DEGS2: variants seen among roughly 807,000 people sequenced by gnomAD.
DEGS2 encodes the protein delta 4-desaturase, sphingolipid 2.
Under a neutral mutation model 23.8 loss-of-function variants are expected in DEGS2, and 19 were observed. The ratio of observed to expected loss-of-function variants is 0.80; its 90% confidence interval spans 0.56 to 1.17. The LOEUF (loss-of-function observed/expected upper bound fraction) is 1.17. Among genes scored for constraint, DEGS2 ranks in the 50% most tolerant of loss-of-function variants. The pLI, the probability that DEGS2 is intolerant of heterozygous loss-of-function variation, is 0.00. For synonymous variants in DEGS2, 218 were observed against 213.7 expected, an observed-to-expected ratio of 1.02 and a Z score of -0.18; for missense variants, 390 against 459.5, an observed-to-expected ratio of 0.85 and a Z score of 1.38.
chr14:100,154,463 C>T (rs1000698436), intron 1 of DEGS2, among the ~76,000 whole-genome samples: 3 of 152,364 alleles, frequency 2.0e-5, no homozygotes, highest in Admixed American at 1.3e-4. Context: ...CCTCAGTCTC[C>T]ATCTGTAAGG....
At chr14:100,153,834 G>T (rs1299480731) in intron 1 of DEGS2, among the ~76,000 whole-genome samples, 1 of 152,236 alleles carries the variant, frequency 6.6e-6, no homozygotes, top group Admixed American at 6.5e-5. Context: ...AGGTGGCCAT[G>T]AACAACAGCT....
Position 100,146,647 on chromosome 14 carries a change from G to C in DEGS2, c.*114C>G, listed in dbSNP as rs540406129. ...GGTGTGGCTGCGCGGGACACTCCTC[G>C]GGGACAAGGGCAGCAGTCCAGAGCA... is the stretch of plus-strand genomic sequence containing the variant. On this transcript the variant is annotated 3_prime_UTR_variant, in exon 3 of 3. Coordinates refer to ENST00000305631, the MANE Select transcript of DEGS2 (RefSeq NM_206918.3). 42 of 1,457,784 alleles carry C rather than the reference G, an allele frequency of 2.9e-5. No individual in the cohort carries two copies. In the South Asian group the frequency reaches 5.3e-4, roughly 18 times the overall value. The allele number at this position is 1,457,784 out of a possible 1,614,324, so 90.3% of individuals were successfully genotyped here. A position where few individuals can be genotyped will look rare whatever the true frequency, so the allele number is the denominator to read the frequency against.
chr14:100,149,082 G>C lies in DEGS2; in HGVS notation c.711C>G (p.Leu237=), dbSNP rs1442935714. The C allele has an allele frequency of 6.2e-7, 1 of 1,612,912 alleles. No homozygotes were observed. The highest frequency in any genetic ancestry group is 1.1e-5 in the South Asian group (1 of 91,090). Residue 237 remains leucine (L), a synonymous_variant, in exon 2 of 3, where the codon CTC becomes CTG. Coordinates refer to ENST00000305631, the MANE Select transcript of DEGS2 (RefSeq NM_206918.3). ...GHFVAEHYMF[L]KGHETYSYYG... ...AGTAGGAGTAGGTCTCGTGGCCCTT[G>C]AGGAACATGTAGTGCTCGGCCACGA...
chr14:100,153,274 G>C (rs916053369), intron 1 of DEGS2, among the ~76,000 whole-genome samples: 1 of 148,220 alleles, frequency 6.7e-6, no homozygotes, highest in African/African-American at 2.6e-5. Flanking sequence ...TAGATAGATA[G>C]ATAGATAGAT....
the DEGS2 span, among the ~76,000 whole-genome samples, chr14:100,165,140 C>T: frequency 6.6e-6 from 1 of 152,150 alleles, no homozygotes; most frequent in African/African-American, 2.4e-5. Flanking sequence ...CCTCACAGCC[C>T]ACAGCCCACT....
chr14:100,151,504 C>T (rs767622659), intron 1 of DEGS2, among the ~76,000 whole-genome samples: 6 of 152,214 alleles, frequency 3.9e-5, no homozygotes, highest in East Asian at 1.9e-4. Flanking sequence ...GACTGCAGCA[C>T]GTGGCTGAGG....
intron 1 of DEGS2, among the ~76,000 whole-genome samples, chr14:100,150,387 A>ACCCCCCCCCCCCCCCCCCCCC (rs778863717): frequency 6.5e-5 from 6 of 92,278 alleles, no homozygotes; most frequent in Admixed American, 1.1e-4. Context: ...CCACCCCAAC[A>ACCCCCCCCCCCCCCCCCCCCC]CCCCCCCCCG....
In DEGS2 at chr14:100,145,290, G is replaced by A. The variant is rs1208914336; in HGVS notation, c.*1471C>T. The stretch of plus-strand genomic sequence containing the variant: ...ACAGCAGGAGGAGCGGGTGCTCTGG[G>A]TTCCCCTCAGCCTGTGGGCGGGCCT... On this transcript the variant is annotated 3_prime_UTR_variant, in exon 3 of 3. Transcript: ENST00000305631. 6.6e-6 allele frequency: 1 copy of A among 152,254 alleles called. No individual in the cohort carries two copies. The highest frequency in any genetic ancestry group is 1.5e-5 in the Non-Finnish European group (1 of 68,064). 9.4% of individuals were successfully genotyped at this position (152,254 alleles called of 1,614,324 possible). A position where few individuals can be genotyped will look rare whatever the true frequency, so the allele number is the denominator to read the frequency against.
chr14:100,166,001 C>T, the DEGS2 span, among the ~76,000 whole-genome samples: 6 of 34,778 alleles, frequency 1.7e-4, no homozygotes, highest in East Asian at 3.9e-3. Context: ...GGAGCCTGCC[C>T]GGGAGAGTGG....
At chr14:100,148,205 A>G (rs1023527703) in intron 2 of DEGS2, among the ~76,000 whole-genome samples, 1 of 152,210 alleles carries the variant, frequency 6.6e-6, no homozygotes, top group Non-Finnish European at 1.5e-5. Flanking sequence ...ACACATGCAA[A>G]TGCCTGCGCA....
At chr14:100,147,613 G>A (rs902070269) in intron 2 of DEGS2, among the ~76,000 whole-genome samples, 1 of 150,400 alleles carries the variant, frequency 6.6e-6, no homozygotes, top group Non-Finnish European at 1.5e-5. Context: ...ACTGCTCAAC[G>A]GCATGCAGCC....
the DEGS2 span, among the ~76,000 whole-genome samples, chr14:100,166,258 GGAGTGGGGGGAGC>G: frequency 2.6e-5 from 3 of 117,356 alleles, no homozygotes; most frequent in East Asian, 2.9e-4. Context: ...CCTGTCCGGG[GGAGTGGGGGGAGC>G]CTGTCTGGGG....
rs1434731821 is a variant in DEGS2, at chr14:100,146,687, A to G, written c.*74T>C. ...AGTCCAGAGCACAGGAAGGAAATGT[A>G]GCTTCTCAGTGCTGGGGTGCAAGGC... is the stretch of plus-strand genomic sequence containing the variant. On this transcript the variant is annotated 3_prime_UTR_variant, in exon 3 of 3. Coordinates refer to ENST00000305631, the MANE Select transcript of DEGS2 (RefSeq NM_206918.3). 6 of 1,558,430 alleles carry G rather than the reference A, an allele frequency of 3.9e-6. No individual in the cohort carries two copies. The South Asian group carries it at 6.0e-5, about 16-fold the overall frequency.
At position 100,145,438 on chromosome 14, in the gene DEGS2, G is replaced by A. The variant is rs1436014456; in HGVS notation, c.*1323C>T. The stretch of plus-strand genomic sequence containing the variant: ...CGCCACTCAGCAGGCTGCCCACTCG[G>A]ACATGGGAGGCCGGCGCTGTGCGGG... On this transcript the variant is annotated 3_prime_UTR_variant, in exon 3 of 3. Transcript: ENST00000305631. 2 of 152,312 alleles carry A rather than the reference G, an allele frequency of 1.3e-5. No individual in the cohort carries two copies. The highest frequency in any genetic ancestry group is 4.8e-5 in the African/African-American group (2 of 41,444). 9.4% of individuals were successfully genotyped at this position (152,312 alleles called of 1,614,324 possible).
rs1018305995 is a variant in DEGS2 at position 100,145,266 on chromosome 14, C to T, written c.*1495G>A. 3.3e-5 allele frequency: 5 copies of T among 152,290 alleles called. No individual in the cohort carries two copies. The highest frequency in any genetic ancestry group is 2.1e-4 in the South Asian group (1 of 4,834). 9.4% of individuals were successfully genotyped at this position (152,290 alleles called of 1,614,324 possible). On this transcript the variant is annotated 3_prime_UTR_variant, in exon 3 of 3. Transcript: ENST00000305631. Reference sequence around the variant, plus strand: ...GCTGAACGAGGCACCCCCTCAGGCACAGCAGGAGGAGCGGGTGCTCTGGGT... The same window carrying T: ...GCTGAACGAGGCACCCCCTCAGGCATAGCAGGAGGAGCGGGTGCTCTGGGT...
At chr14:100,163,253 C>T (rs937902442), upstream of DEGS2, among the ~76,000 whole-genome samples, 2 of 151,762 alleles carry the variant, frequency 1.3e-5, no homozygotes, top group African/African-American at 4.8e-5. Flanking sequence ...CCAGCCTGGC[C>T]AACATGATGA....
intron 1 of DEGS2, among the ~76,000 whole-genome samples, chr14:100,157,161 A>T (rs763916491): frequency 4.6e-5 from 7 of 152,188 alleles, no homozygotes; most frequent in Non-Finnish European, 7.3e-5. Context: ...ATATCATCTC[A>T]TCCTCACACC....
Position 100,149,533 on chromosome 14 carries a change from G to A in DEGS2, c.260C>T (p.Ala87Val). Reference sequence around the variant, plus strand: ...CGCGTTGTGCGAGATGTCGTGGATGGCCAGCGTCAGCGAGTGGTTCACGCA... The same window carrying A: ...CGCGTTGTGCGAGATGTCGTGGATGACCAGCGTCAGCGAGTGGTTCACGCA... ...GGCVNHSLTL[A>V]IHDISHNAAF... The change falls in exon 2 of 3, where the codon GCC becomes GTC. Residue 87 changes from alanine to valine, a missense_variant. By Grantham distance (64) the Ala-to-Val change is moderately conservative. Transcript: ENST00000305631. 10 of 1,604,014 alleles carry A rather than the reference G, an allele frequency of 6.2e-6. No individual in the cohort carries two copies. Among genetic ancestry groups the A allele is most frequent in the Non-Finnish European group, 7.6e-6 (9 of 1,177,022 alleles).
At chr14:100,158,979 AAC>A (rs1356796221) in intron 1 of DEGS2, among the ~76,000 whole-genome samples, 1 of 152,232 alleles carries the variant, frequency 6.6e-6, no homozygotes, top group African/African-American at 2.4e-5. Flanking sequence ...TTTCAAAGAA[AAC>A]ACGCGCGCCT....
Sources: gnomAD v4.1 joint callset for allele counts (sites outside exome capture counted in the v4.1 genomes callset) on GRCh38, gnomAD v4.1.1 for gene constraint, MANE v1.5 for transcripts, NCBI Gene and HGNC (gene_info 2026-07-23, HGNC 2026-07-21) for gene names.